ADAMTSL5: variants seen among roughly 807,000 people sequenced by gnomAD.
ADAMTSL5 encodes the protein ADAMTS-like protein 5.
In ADAMTSL5, 53 loss-of-function variants were observed where a neutral mutation model predicts 51.7. That is an observed-to-expected ratio of 1.03 (90% CI 0.82 to 1.29). The LOEUF is 1.29. ADAMTSL5 is among the 50% of genes most tolerant of loss of function. The pLI is 0.00. For missense variants in ADAMTSL5, 770 were observed against 676.2 expected (o/e 1.14, Z -1.54); for synonymous variants, 285 against 278.7 (o/e 1.02, Z -0.23).
intron 5 of ADAMTSL5, among the ~76,000 whole-genome samples, chr19:1,509,699 A>G (rs1229072195): frequency 1.3e-5 from 2 of 151,764 alleles, no homozygotes; most frequent in African/African-American, 4.8e-5. Context: ...AAGGGAAGGA[A>G]GGAAGGAAAT....
chr19:1,510,096 T>A (rs1257345141), intron 5 of ADAMTSL5, 54 bp downstream of exon 5: 22 of 1,414,234 alleles, frequency 1.6e-5, no homozygotes, highest in Admixed American at 6.3e-5. Context: ...TCCCTGAGAC[T>A]AATGAGTTGT....
In ADAMTSL5 at chr19:1,510,406, A is replaced by G; in HGVS notation, c.214T>C (p.Trp72Arg). ...CLRLPGEEPC[W>R]GDSHEYRLCQ... ...AGGCGGTACTCATGGGAGTCTCCCC[A>G]GCACGGTTCTTCCCCAGGAAGCCTG... Residue 72 changes from tryptophan to arginine, a missense_variant, in exon 4 of 12, where the codon TGG becomes CGG. Coordinates refer to ENST00000330475, the MANE Select transcript of ADAMTSL5 (RefSeq NM_213604.3). 6.2e-7 allele frequency: 1 copy of G among 1,612,428 alleles called. No individual in the cohort carries two copies. Among genetic ancestry groups the G allele is most frequent in the Admixed American group, 1.7e-5 (1 of 59,972 alleles).
Position 1,510,952 on chromosome 19 carries a change from C to A in ADAMTSL5, c.-9G>T. On this transcript the variant is annotated 5_prime_UTR_variant, in exon 2 of 12. Coordinates refer to ENST00000330475, the MANE Select transcript of ADAMTSL5 (RefSeq NM_213604.3). Reference sequence around the variant, plus strand: ...AGAGGGGCCGAGTCCATAGAGCCACCGCCAGAGACACAGGGTTGTGTCCCG... The same window carrying A: ...AGAGGGGCCGAGTCCATAGAGCCACAGCCAGAGACACAGGGTTGTGTCCCG... 1 of 1,415,360 alleles carries A rather than the reference C, an allele frequency of 7.1e-7. No individual in the cohort carries two copies. 87.7% of individuals were successfully genotyped at this position (1,415,360 alleles called of 1,614,324 possible). A position where few individuals can be genotyped will look rare whatever the true frequency, so the allele number is the denominator to read the frequency against.
rs373791287 is a variant in ADAMTSL5 at position 1,508,529 on chromosome 19, C to G, written c.403G>C (p.Ala135Pro). 5.1e-6 allele frequency: 8 copies of G among 1,583,736 alleles called. No individual in the cohort carries two copies. Among genetic ancestry groups the G allele is most frequent in the East Asian group, 2.3e-5 (1 of 43,920 alleles). Reference sequence around the variant, plus strand: ...ACGCGGCCGAAGCTGTGGTAGAAGGCGTGCCCCTCAGCCAGGCAGTTGAGG... The same window carrying G: ...ACGCGGCCGAAGCTGTGGTAGAAGGGGTGCCCCTCAGCCAGGCAGTTGAGG... Reference protein sequence around the residue: ...CDLNCLAEGHAFYHSFGRVLD... With the variant: ...CDLNCLAEGHPFYHSFGRVLD... The change falls in exon 6 of 12, where the codon GCC becomes CCC. Residue 135 changes from alanine (A) to proline (P), a missense_variant. Coordinates refer to ENST00000330475, the MANE Select transcript of ADAMTSL5 (RefSeq NM_213604.3).
chr19:1,506,720 C>T lies in ADAMTSL5; in HGVS notation c.1042+19G>A. The T allele has an allele frequency of 6.4e-7, 1 of 1,557,790 alleles. No homozygotes were observed. Among genetic ancestry groups the T allele is most frequent in the East Asian group, 2.3e-5 (1 of 42,740 alleles). On this transcript the variant is annotated intron_variant, in intron 10 of 11. Transcript: ENST00000330475. This position sits in a 1 kb window ranked among gnomAD's most constrained non-coding sequence, Gnocchi z 5.6. ...CCTCAGTCCCCACTCATCCCCCACC[C>T]TGGCTGTCCCCACCTCACCTGGGGC...
At chr19:1,507,467 C>T (rs1029679357) in intron 8 of ADAMTSL5, 62 bp from the exon 9 acceptor site, 7 of 1,607,616 alleles carry the variant, frequency 4.4e-6, no homozygotes, top group Non-Finnish European at 5.9e-6. Context: ...CTGGGGTCCC[C>T]TCCTCAGGCC....
intron 7 of ADAMTSL5, 118 bp downstream of exon 7, chr19:1,507,880 G>C: frequency 8.4e-7 from 1 of 1,197,218 alleles, no homozygotes; most frequent in Non-Finnish European, 1.2e-6. Flanking sequence ...ATCAGGATGA[G>C]GAGAAAGGGG....
In ADAMTSL5 at chr19:1,506,113, G is replaced by A; in HGVS notation, c.1318C>T (p.Gln440Ter). 6.2e-7 allele frequency: 1 copy of A among 1,607,132 alleles called. No homozygotes were observed. The highest frequency in any genetic ancestry group is 8.5e-7 in the Non-Finnish European group (1 of 1,178,076). The change falls in exon 12 of 12, where the codon CAG becomes TAG. Residue 440 changes from glutamine to a stop codon, truncating the protein, a stop_gained. Transcript: ENST00000330475. LOFTEE classifies it high-confidence loss of function. The surrounding 1 kb of genome is among the most constrained non-coding windows in gnomAD (Gnocchi z 5.6). ...GCGTGGGGCAGCAGCAGCTGGTCCT[G>A]TGTGCCGTCGGGGCTGACAAGACGC... ...VQRLVSPDGTQDQLLLPHAGY... is the reference protein window; with the variant it reads ...VQRLVSPDGT
rs372940514 is a variant in ADAMTSL5 at position 1,507,737 on chromosome 19, T to TAGCC, written c.602-98_602-95dup. The TAGCC allele has an allele frequency of 1.1e-4, 141 of 1,297,302 alleles. No homozygotes were observed. The African/African-American group carries it at 1.8e-3, about 16-fold the overall frequency. The allele number at this position is 1,297,302 out of a possible 1,614,324, so 80.4% of individuals were successfully genotyped here. On this transcript the variant is annotated intron_variant, in intron 7 of 11. Coordinates refer to ENST00000330475, the MANE Select transcript of ADAMTSL5 (RefSeq NM_213604.3). ...AATGAGCTACTGCGGGTAAGACAGC[T>TAGCC]AGCCAGGGTCCTGGGAACCGGAAAA... is the stretch of plus-strand genomic sequence containing the variant.
In ADAMTSL5 at chr19:1,506,336, A is replaced by C. The variant is rs2145491891; in HGVS notation, c.1115-20T>G. The C allele has an allele frequency of 6.5e-7, 1 of 1,540,960 alleles. No individual in the cohort carries two copies. The highest frequency in any genetic ancestry group is 2.3e-5 in the East Asian group (1 of 44,230). On this transcript the variant is annotated intron_variant, in intron 11 of 11. Transcript: ENST00000330475. This position sits in a 1 kb window ranked among gnomAD's most constrained non-coding sequence, Gnocchi z 5.6. Reference sequence around the variant, plus strand: ...GGAACACTGTTGAGGGGACGTGCTAAGCTGGCTGGCTGCTCAACTCTGCGC... The same window carrying C: ...GGAACACTGTTGAGGGGACGTGCTACGCTGGCTGGCTGCTCAACTCTGCGC...
intron 5 of ADAMTSL5, among the ~76,000 whole-genome samples, chr19:1,509,627 AGGGAGGG>A (rs1913148296): frequency 1.1e-5 from 1 of 87,828 alleles, no homozygotes; most frequent in South Asian, 4.6e-4. Flanking sequence ...GAAGGAAGGG[AGGGAGGG>A]AGGGAGGGAG....
chr19:1,511,410 T>C (rs1169178988), intron 1 of ADAMTSL5, among the ~76,000 whole-genome samples: 1 of 152,198 alleles, frequency 6.6e-6, no homozygotes, highest in African/African-American at 2.4e-5. Flanking sequence ...TGACCTGAAG[T>C]GATCCACCTG....
Position 1,508,045 on chromosome 19 carries a change from C to T in ADAMTSL5, c.554G>A (p.Gly185Asp), listed in dbSNP as rs746115057. The part of the protein sequence containing the change: ...ALEDRCGRCG[G>D]ANDSCLFVQR... The stretch of plus-strand genomic sequence containing the variant: ...CACGAAAAGGCACGAGTCGTTGGCG[C>T]CTCCGCAGCGGCCACAGCGGTCCTC... The change falls in exon 7 of 12, where the codon GGC becomes GAC. Residue 185 changes from glycine to aspartate, a missense_variant. Gly to Asp is a moderately conservative substitution (Grantham distance 94). Coordinates refer to ENST00000330475, the MANE Select transcript of ADAMTSL5 (RefSeq NM_213604.3). The T allele has an allele frequency of 1.2e-6, 2 of 1,609,762 alleles. No individual in the cohort carries two copies. The highest frequency in any genetic ancestry group is 1.7e-6 in the Non-Finnish European group (2 of 1,178,810).
intron 1 of ADAMTSL5, chr19:1,511,665 G>T: frequency 2.8e-6 from 3 of 1,079,524 alleles, no homozygotes; most frequent in Non-Finnish European, 3.8e-6. Context: ...ACTCTCCCAG[G>T]CCTCAGTTTC....
intron 7 of ADAMTSL5, 121 bp downstream of exon 7, chr19:1,507,877 T>A: frequency 8.5e-7 from 1 of 1,170,936 alleles, no homozygotes; most frequent in South Asian, 1.5e-5. Context: ...CCAATCAGGA[T>A]GAGGAGAAAG....
intron 2 of ADAMTSL5, 44 bp from the exon 3 acceptor site, chr19:1,510,774 C>T: frequency 2.6e-6 from 4 of 1,522,824 alleles, no homozygotes; most frequent in Non-Finnish European, 3.5e-6. Flanking sequence ...TAGGGGGACG[C>T]TGGTGACCCC....
In ADAMTSL5 at chr19:1,505,936, T is replaced by G; in HGVS notation, c.*79A>C. 66 of 1,422,102 alleles carry G rather than the reference T, an allele frequency of 4.6e-5. No individual in the cohort carries two copies. Among genetic ancestry groups the G allele is most frequent in the Non-Finnish European group, 5.1e-5 (56 of 1,087,686 alleles). The allele number at this position is 1,422,102 out of a possible 1,614,324, so 88.1% of individuals were successfully genotyped here. ...TTTCAGAGCTGCCTGGAAGCCAGGG[T>G]GAGAGGGGAAATACGTTGACGTTGA... On this transcript the variant is annotated 3_prime_UTR_variant, in exon 12 of 12. Coordinates refer to ENST00000330475, the MANE Select transcript of ADAMTSL5 (RefSeq NM_213604.3).
Position 1,510,699 on chromosome 19 carries a change from C to G in ADAMTSL5, c.131G>C (p.Trp44Ser), listed in dbSNP as rs1243966571. 3 of 1,542,894 alleles carry G rather than the reference C, an allele frequency of 1.9e-6. No homozygotes were observed. In the African/African-American group the frequency reaches 4.2e-5, roughly 21 times the overall value. Residue 44 changes from tryptophan to serine, a missense_variant, in exon 3 of 12, where the codon TGG (tryptophan) becomes TCG (serine). Physicochemically the swap from Trp to Ser is radical, Grantham distance 177 (BLOSUM62 -3). Transcript: ENST00000330475. ...GPGEWTPWVS[W>S]TRCSSSCGRG... is the part of the protein sequence containing the mutation. ...CCCGCAGGAGCTGGAGCAGCGGGTC[C>G]AGGACACCCACGGGGTCCACTCGCC... is the stretch of plus-strand genomic sequence containing the variant.
rs1249754258 is a variant in ADAMTSL5, at chr19:1,508,008, A to G, written c.591T>C (p.Phe197=). The change falls in exon 7 of 12, where the codon TTT becomes TTC. Residue 197 remains phenylalanine (F), a synonymous_variant. Coordinates refer to ENST00000330475, the MANE Select transcript of ADAMTSL5 (RefSeq NM_213604.3). ...NDSCLFVQRV[F]RDAGAFAGYW... ...GGGGCAGGTAGTCACCGGCGTCACG[A>G]AACACGCGCTGCACGAAAAGGCACG... 1.9e-6 allele frequency: 3 copies of G among 1,599,960 alleles called. No homozygotes were observed. Among genetic ancestry groups the G allele is most frequent in the South Asian group, 2.2e-5 (2 of 89,062 alleles).
Sources: allele counts gnomAD v4.1 joint callset (sites outside exome capture counted in the v4.1 genomes callset), GRCh38; gene constraint gnomAD v4.1.1; non-coding constraint Gnocchi (gnomAD v3.1); transcripts MANE v1.5; gene names NCBI Gene and HGNC (gene_info 2026-07-23, HGNC 2026-07-21).